Variants in CNKSR3 observed in about 807,000 individuals in gnomAD.
CNKSR3 encodes CNKSR family member 3.
In CNKSR3, 36 loss-of-function variants were observed where a neutral mutation model predicts 67.7. The observed-to-expected ratio is 0.53, with a 90% CI of 0.41 to 0.70. The LOEUF (loss-of-function observed/expected upper bound fraction) is 0.70. Ranked by LOEUF, CNKSR3 falls within the 30% of genes least tolerant of loss-of-function variation. The probability of loss-of-function intolerance (pLI) is 0.00; values close to 1 mark genes in which losing one functional copy is unlikely to be tolerated. For synonymous variants in CNKSR3, 281 were observed against 271.4 expected (o/e 1.04, Z -0.35); for missense variants, 630 against 695.2 (o/e 0.91, Z 1.05).
intron 1 of CNKSR3, among the ~76,000 whole-genome samples, chr6:154,469,577 C>A (rs919463733): frequency 1.3e-5 from 2 of 152,290 alleles, no homozygotes; most frequent in East Asian, 1.9e-4. Flanking sequence ...CTAGACAACA[C>A]CTCCACAAAA....
At chr6:154,474,426 T>TGG (rs71826489) in intron 1 of CNKSR3, among the ~76,000 whole-genome samples, 2 of 140,934 alleles carry the variant, frequency 1.4e-5, no homozygotes, top group Non-Finnish European at 3.1e-5. Flanking sequence ...AAAAAAAAAG[T>TGG]GGGGGGGGGC....
At chr6:154,470,368 A>AT (rs1378804652) in intron 1 of CNKSR3, among the ~76,000 whole-genome samples, 1 of 151,704 alleles carries the variant, frequency 6.6e-6, no homozygotes, top group Non-Finnish European at 1.5e-5. Flanking sequence ...TGCCCAGCTA[A>AT]TTTTTGTGTT....
intron 2 of CNKSR3, among the ~76,000 whole-genome samples, chr6:154,446,703 C>A (rs191940037): frequency 2.5e-4 from 38 of 152,286 alleles, no homozygotes; most frequent in African/African-American, 9.1e-4. Flanking sequence ...CATTTCTCAA[C>A]CTCCTTCAAC....
rs1373431974 is a variant in CNKSR3, at chr6:154,441,360, T to C, written c.439A>G (p.Thr147Ala). The C allele has an allele frequency of 3.2e-5, 52 of 1,613,606 alleles. No individual in the cohort carries two copies. The highest frequency in any genetic ancestry group is 4.2e-5 in the Non-Finnish European group (49 of 1,179,890). ...TTGTTCTTCGTGACTGAGAAATCAG[T>C]GATCCCTGTAAACGGAGCCCTAGAA... ...WLDRAPFTGITDFSVTKNKII... is the reference protein window; with the variant it reads ...WLDRAPFTGIADFSVTKNKII... Residue 147 changes from threonine to alanine, a missense_variant, in exon 4 of 13, where the codon ACT becomes GCT. Thr to Ala is a moderately conservative substitution (Grantham distance 58, BLOSUM62 0). Coordinates refer to ENST00000607772, the MANE Select transcript of CNKSR3 (RefSeq NM_173515.4).
chr6:154,451,374 T>C (rs1469515343), intron 1 of CNKSR3, among the ~76,000 whole-genome samples: 2 of 152,244 alleles, frequency 1.3e-5, no homozygotes, highest in Non-Finnish European at 2.9e-5. Context: ...AAAAGTGTTT[T>C]AAAAGTTATA....
intron 9 of CNKSR3, among the ~76,000 whole-genome samples, chr6:154,414,925 G>C (rs953461722): frequency 1.3e-5 from 2 of 151,564 alleles, no homozygotes; most frequent in African/African-American, 2.4e-5. Flanking sequence ...GCGATACCCA[G>C]TCCCTACGAA....
At chr6:154,429,249 T>C (rs1010596769) in intron 6 of CNKSR3, among the ~76,000 whole-genome samples, 1 of 152,192 alleles carries the variant, frequency 6.6e-6, no homozygotes, top group African/African-American at 2.4e-5. Flanking sequence ...ATGTGGACCC[T>C]CCTCAGAAAT....
intron 1 of CNKSR3, among the ~76,000 whole-genome samples, chr6:154,483,552 TAA>T (rs1051360214): frequency 6.7e-6 from 1 of 148,544 alleles, no homozygotes; most frequent in African/African-American, 2.5e-5. Flanking sequence ...CAACTGTCTT[TAA>T]AAAAAAAACG....
chr6:154,493,739 G>C (rs138954017), intron 1 of CNKSR3, among the ~76,000 whole-genome samples: 19 of 151,984 alleles, frequency 1.3e-4, no homozygotes, highest in African/African-American at 4.6e-4. Flanking sequence ...AGGGGAGGCA[G>C]GCACACATGG....
intron 9 of CNKSR3, among the ~76,000 whole-genome samples, chr6:154,421,005 T>C (rs1346505570): frequency 1.3e-5 from 2 of 152,158 alleles, no homozygotes; most frequent in African/African-American, 4.8e-5. Flanking sequence ...GAGTTTTTGT[T>C]TGTTGGTTGG....
intron 6 of CNKSR3, among the ~76,000 whole-genome samples, chr6:154,429,769 A>T (rs1785327291): frequency 6.6e-6 from 1 of 151,896 alleles, no homozygotes; most frequent in Non-Finnish European, 1.5e-5. Flanking sequence ...CTGTAGCTGC[A>T]GCCACATTAA....
chr6:154,417,011 C>T (rs183680996), intron 9 of CNKSR3, among the ~76,000 whole-genome samples: 52 of 152,286 alleles, frequency 3.4e-4, no homozygotes, highest in Admixed American at 2.0e-4. Flanking sequence ...AAGGGACCAA[C>T]GCTAGCCTGA....
intron 1 of CNKSR3, among the ~76,000 whole-genome samples, chr6:154,495,872 T>A (rs1296274033): frequency 1.3e-5 from 2 of 151,994 alleles, no homozygotes; most frequent in Non-Finnish European, 2.9e-5. Flanking sequence ...CTTTCAACTC[T>A]CACCAGGAGA....
At chr6:154,435,886 A>G (rs1388922329) in intron 4 of CNKSR3, among the ~76,000 whole-genome samples, 3 of 152,272 alleles carry the variant, frequency 2.0e-5, no homozygotes, top group Non-Finnish European at 4.4e-5. Flanking sequence ...GGGTGATAAC[A>G]AAGCCTACCT....
At chr6:154,428,656 C>A (rs1212950069) in intron 6 of CNKSR3, among the ~76,000 whole-genome samples, 1 of 151,606 alleles carries the variant, frequency 6.6e-6, no homozygotes, top group Non-Finnish European at 1.5e-5. Flanking sequence ...GTAGCCAGGA[C>A]TACAGGTGTG....
rs147203043 is a variant in CNKSR3, at chr6:154,431,129, A to T, written c.550-538T>A. On this transcript the variant is annotated intron_variant, in intron 5 of 12. Transcript: ENST00000607772. ...TCCTCTATTATTAACATCTTGTACTAGGTGTGGTGCATTTGTTATAAATGA... is the reference window on the plus strand; with the variant it reads ...TCCTCTATTATTAACATCTTGTACTTGGTGTGGTGCATTTGTTATAAATGA... Among the ~76,000 whole-genome samples the T allele has an allele frequency of 2.8e-3, 423 of 152,176 alleles. 3 individuals are homozygous for T. The highest frequency in any genetic ancestry group is 9.9e-3 in the African/African-American group (411 of 41,532).
intron 2 of CNKSR3, 109 bp from the exon 3 acceptor site, chr6:154,442,399 G>A: frequency 1.2e-6 from 1 of 843,556 alleles, no homozygotes; most frequent in Non-Finnish European, 1.9e-6. Flanking sequence ...GAAGTGGGCG[G>A]ATCACGAGGT....
intron 1 of CNKSR3, among the ~76,000 whole-genome samples, chr6:154,505,048 C>T (rs141215442): frequency 2.1e-3 from 311 of 151,428 alleles, no homozygotes; most frequent in African/African-American, 7.1e-3. Context: ...GGTAGACCTA[C>T]GGCTGCTAAA....
intron 12 of CNKSR3, among the ~76,000 whole-genome samples, chr6:154,409,881 C>CA (rs56081008): frequency 0.014 from 1,762 of 126,584 alleles, 19 homozygotes; most frequent in African/African-American, 0.022. Context: ...CTGTCTCTAC[C>CA]AAAAAAAAAA....
Sources: allele counts gnomAD v4.1 joint callset (sites outside exome capture counted in the v4.1 genomes callset), GRCh38; gene constraint gnomAD v4.1.1; transcripts MANE v1.5; gene names NCBI Gene and HGNC (gene_info 2026-07-23, HGNC 2026-07-21).